Variants in FTO observed in about 807,000 individuals in gnomAD.
FTO encodes alpha-ketoglutarate-dependent dioxygenase FTO.
A neutral mutation model predicts 63.9 loss-of-function variants in FTO; 47 were observed. The ratio of observed to expected loss-of-function variants is 0.74; its 90% CI spans 0.58 to 0.94. FTO has a LOEUF of 0.94. Ranked by LOEUF, FTO falls within the 40% of genes least tolerant of loss-of-function variation. FTO has a pLI of 0.00. For synonymous variants in FTO, 207 were observed against 224.4 expected (o/e 0.92, Z 0.69); for missense variants, 562 against 618.1 (o/e 0.91, Z 0.96).
intron 6 of FTO, among the ~76,000 whole-genome samples, chr16:53,883,360 G>A (rs2080892489): frequency 1.3e-5 from 2 of 152,112 alleles, no homozygotes; most frequent in South Asian, 2.1e-4. Flanking sequence ...GGTGGCTCAC[G>A]CGTGTAATCC....
At chr16:53,845,963 GC>G (rs2079605999) in intron 4 of FTO, among the ~76,000 whole-genome samples, 1 of 152,082 alleles carries the variant, frequency 6.6e-6, no homozygotes, top group African/African-American at 2.4e-5. Context: ...TTCATCTCTT[GC>G]CTTCCATGTG....
At chr16:53,954,684 C>T (rs1170774755) in intron 8 of FTO, among the ~76,000 whole-genome samples, 1 of 152,070 alleles carries the variant, frequency 6.6e-6, no homozygotes, top group Admixed American at 6.6e-5. Context: ...ACGACGGTTT[C>T]AGCTGTGGCA....
chr16:53,833,723 A>G (rs2151794967), intron 3 of FTO, among the ~76,000 whole-genome samples: 2 of 152,322 alleles, frequency 1.3e-5, no homozygotes, highest in East Asian at 3.9e-4. Flanking sequence ...TAATTTCTCC[A>G]CATCTACGCC....
chr16:53,796,549 C>A (rs1183827488), intron 1 of FTO, among the ~76,000 whole-genome samples: 1 of 152,136 alleles, frequency 6.6e-6, no homozygotes, highest in African/African-American at 2.4e-5. Flanking sequence ...AAGGGACATA[C>A]TACATGAATT....
At chr16:54,057,263 T>A (rs2085457527) in intron 8 of FTO, among the ~76,000 whole-genome samples, 1 of 152,254 alleles carries the variant, frequency 6.6e-6, no homozygotes, top group Admixed American at 6.5e-5. Context: ...CCGTGCTACA[T>A]TGACTCCTTA....
intron 8 of FTO, among the ~76,000 whole-genome samples, chr16:53,989,517 G>A (rs1275872036): frequency 2.0e-5 from 3 of 152,086 alleles, no homozygotes; most frequent in Non-Finnish European, 2.9e-5. Context: ...TTGTAGTTGG[G>A]GAGGTAGAAT....
chr16:53,744,732 T>C (rs1224589633), intron 1 of FTO, among the ~76,000 whole-genome samples: 1 of 152,222 alleles, frequency 6.6e-6, no homozygotes, highest in East Asian at 1.9e-4. Flanking sequence ...TTGTTTACAG[T>C]TGCTTTCCAA....
intron 6 of FTO, among the ~76,000 whole-genome samples, chr16:53,882,080 T>G (rs984352427): frequency 1.3e-5 from 2 of 151,802 alleles, no homozygotes; most frequent in African/African-American, 4.8e-5. Context: ...AAAAAAACCA[T>G]TAAAAGAAAA....
chr16:54,035,219 A>G (rs2084916736), intron 8 of FTO, among the ~76,000 whole-genome samples: 1 of 152,256 alleles, frequency 6.6e-6, no homozygotes. Context: ...ACAGGTATAT[A>G]AACTAAAGCA....
chr16:54,002,999 C>T (rs1220149233), intron 8 of FTO, among the ~76,000 whole-genome samples: 2 of 152,236 alleles, frequency 1.3e-5, no homozygotes, highest in Non-Finnish European at 2.9e-5. Context: ...ATTCTGCATG[C>T]AGCCTTGTAC....
At chr16:53,706,154 T>G (rs942638711) in intron 1 of FTO, among the ~76,000 whole-genome samples, 2 of 152,182 alleles carry the variant, frequency 1.3e-5, no homozygotes, top group South Asian at 4.1e-4. Context: ...TTTAAAAAAT[T>G]GGCTGTTCAT....
chr16:54,091,482 G>A (rs115506347), intron 8 of FTO, among the ~76,000 whole-genome samples: 2,425 of 152,262 alleles, frequency 0.016, 40 homozygotes, highest in African/African-American at 0.046. Context: ...CAAGGCTGCA[G>A]TGAGCTGTGA....
intron 1 of FTO, among the ~76,000 whole-genome samples, chr16:53,799,816 T>C (rs1321419570): frequency 1.3e-5 from 2 of 152,220 alleles, no homozygotes; most frequent in Non-Finnish European, 2.9e-5. Flanking sequence ...TCAAGGAATT[T>C]GTCTATTTTA....
At position 53,944,101 on chromosome 16, in the gene FTO, G is replaced by A. The variant is rs117089796; in HGVS notation, c.1364+9992G>A. 6.2e-3 allele frequency among the ~76,000 whole-genome samples: 950 copies of A among 152,280 alleles called. 4 individuals are homozygous for A. The highest frequency in any genetic ancestry group is 9.7e-3 in the Admixed American group (148 of 15,294). On this transcript the variant is annotated intron_variant, in intron 8 of 8. Coordinates refer to ENST00000471389, the MANE Select transcript of FTO (RefSeq NM_001080432.3). ...CATAAATGCTGGGTTTTGTTGTTGG[G>A]AGTGATCTGTCAGTCATGCGTTGGT...
At chr16:54,064,032 C>A (rs2085658980) in intron 8 of FTO, 1 of 151,428 alleles carries the variant, frequency 6.6e-6, no homozygotes, top group South Asian at 2.1e-4. Context: ...TTGCCACCTA[C>A]CTTTGTCATC....
chr16:53,782,932 T>C (rs1160410467), intron 1 of FTO, among the ~76,000 whole-genome samples: 3 of 152,152 alleles, frequency 2.0e-5, no homozygotes, highest in Non-Finnish European at 4.4e-5. Context: ...CTTAGAGCCT[T>C]GTGTGTAGTA....
chr16:53,745,986 G>A (rs2076642257), intron 1 of FTO, among the ~76,000 whole-genome samples: 1 of 152,100 alleles, frequency 6.6e-6, no homozygotes, highest in South Asian at 2.1e-4. Flanking sequence ...CAATCATACT[G>A]CATAATGTAT....
At chr16:53,955,096 C>A (rs539186606) in intron 8 of FTO, among the ~76,000 whole-genome samples, 9 of 152,238 alleles carry the variant, frequency 5.9e-5, no homozygotes, top group Admixed American at 2.0e-4. Context: ...ATAAAGCATT[C>A]TTTAAGCATT....
At chr16:54,107,244 T>C (rs2086776357) in intron 8 of FTO, among the ~76,000 whole-genome samples, 1 of 152,082 alleles carries the variant, frequency 6.6e-6, no homozygotes, top group South Asian at 2.1e-4. Flanking sequence ...CCAAGAAACA[T>C]TTTAAAAAAT....
Sources: gnomAD v4.1 joint callset for allele counts (sites outside exome capture counted in the v4.1 genomes callset) on GRCh38, gnomAD v4.1.1 for gene constraint, MANE v1.5 for transcripts, NCBI Gene and HGNC (gene_info 2026-07-23, HGNC 2026-07-21) for gene names.